The following MAF variants were observed in gnomAD, a reference collection of about 807,000 sequenced individuals.
MAF encodes the protein MAF bZIP transcription factor.
MAF carries 10 observed loss-of-function variants against 22.0 expected under a neutral mutation model. The ratio of observed to expected loss-of-function variants is 0.45; its 90% CI spans 0.28 to 0.77. MAF has a LOEUF of 0.77. Among genes scored for constraint, MAF ranks in the 30% least tolerant of loss-of-function variants. MAF has a pLI of 0.12. For missense variants in MAF, 544 were observed against 548.4 expected (o/e 0.99, Z 0.08); for synonymous variants, 337 against 255.8 (o/e 1.32, Z -3.03).
At chr16:79,584,722 A>C (rs1912736034), downstream of MAF, among the ~76,000 whole-genome samples, 2 of 152,148 alleles carry the variant, frequency 1.3e-5, no homozygotes, top group African/African-American at 4.8e-5. Context: ...ACACAAATTA[A>C]CCCCAAATGT....
the MAF span, among the ~76,000 whole-genome samples, chr16:79,452,694 A>G: frequency 8.5e-5 from 13 of 152,272 alleles, no homozygotes; most frequent in African/African-American, 3.1e-4. Flanking sequence ...CTTTGGAGTC[A>G]GCATGGCCAT....
At chr16:79,218,186 T>TGC in the MAF span, among the ~76,000 whole-genome samples, 1 of 152,038 alleles carries the variant, frequency 6.6e-6, no homozygotes, top group East Asian at 1.9e-4. Context: ...GTTATGTTAT[T>TGC]GCCTTTCAAG....
chr16:79,411,508 C>A, the MAF span, among the ~76,000 whole-genome samples: 1 of 152,164 alleles, frequency 6.6e-6, no homozygotes, highest in Non-Finnish European at 1.5e-5. Context: ...GTTTGCAGGG[C>A]AGAAGATGAG....
At chr16:79,444,456 G>A in the MAF span, among the ~76,000 whole-genome samples, 1 of 152,182 alleles carries the variant, frequency 6.6e-6, no homozygotes, top group South Asian at 2.1e-4. Flanking sequence ...ATATAGCCTT[G>A]GGCAAGTTCT....
the MAF span, among the ~76,000 whole-genome samples, chr16:79,412,492 C>T: frequency 6.6e-6 from 1 of 152,170 alleles, no homozygotes; most frequent in Non-Finnish European, 1.5e-5. Context: ...AATTTATCCA[C>T]CTGGGCACTG....
chr16:79,529,687 G>A, the MAF span, among the ~76,000 whole-genome samples: 14,249 of 152,184 alleles, frequency 0.094, 753 homozygotes, highest in South Asian at 0.15. Flanking sequence ...TAGGCTGGGC[G>A]CGGTGGCTCA....
the MAF span, among the ~76,000 whole-genome samples, chr16:79,244,059 C>T: frequency 7.9e-5 from 12 of 152,094 alleles, no homozygotes; most frequent in African/African-American, 2.2e-4. Flanking sequence ...ATTGATGGAA[C>T]GTATCTCAAA....
chr16:79,250,744 T>C, the MAF span, among the ~76,000 whole-genome samples: 1 of 152,190 alleles, frequency 6.6e-6, no homozygotes, highest in Non-Finnish European at 1.5e-5. Flanking sequence ...ATAAATTCGT[T>C]TGAGAAATCC....
chr16:79,429,535 G>C, the MAF span, among the ~76,000 whole-genome samples: 2 of 152,298 alleles, frequency 1.3e-5, no homozygotes, highest in East Asian at 1.9e-4. Context: ...AAGCAGCAGA[G>C]AGAGGGAGGC....
chr16:79,563,291 C>G, the MAF span, among the ~76,000 whole-genome samples: 223 of 152,338 alleles, frequency 1.5e-3, no homozygotes, highest in Non-Finnish European at 2.8e-3. Context: ...TTACAGAACA[C>G]TGGCAATGTG....
chr16:79,447,865 C>A, the MAF span, among the ~76,000 whole-genome samples: 1 of 110,956 alleles, frequency 9.0e-6, no homozygotes, highest in Non-Finnish European at 1.6e-5. Flanking sequence ...TCACTGTACT[C>A]TACGAGACAG....
the MAF span, among the ~76,000 whole-genome samples, chr16:79,504,906 T>TAC: frequency 6.6e-6 from 1 of 152,160 alleles, no homozygotes; most frequent in Non-Finnish European, 1.5e-5. Flanking sequence ...CACAAACACA[T>TAC]ACACACACAG....
chr16:79,515,205 C>T, the MAF span, among the ~76,000 whole-genome samples: 1 of 152,228 alleles, frequency 6.6e-6, no homozygotes. Flanking sequence ...TTGTCATCCA[C>T]TTAGACTTCA....
the MAF span, among the ~76,000 whole-genome samples, chr16:79,568,616 G>C: frequency 2.6e-5 from 4 of 152,128 alleles, no homozygotes; most frequent in African/African-American, 9.7e-5. Context: ...ATATCATCCG[G>C]TTTCTGAGTC....
At chr16:79,216,797 T>C in the MAF span, among the ~76,000 whole-genome samples, 2 of 151,988 alleles carry the variant, frequency 1.3e-5, no homozygotes, top group African/African-American at 2.4e-5. Context: ...ATAATGATCC[T>C]ACTCTATCTG....
At chr16:79,337,734 C>T in the MAF span, among the ~76,000 whole-genome samples, 1 of 152,166 alleles carries the variant, frequency 6.6e-6, no homozygotes, top group Non-Finnish European at 1.5e-5. Context: ...CACACGTGTG[C>T]ACCTTATCTC....
chr16:79,491,343 A>G, the MAF span, among the ~76,000 whole-genome samples: 4 of 152,330 alleles, frequency 2.6e-5, no homozygotes, highest in Admixed American at 2.0e-4. Flanking sequence ...AGATGTGGAT[A>G]GAACCCTTGG....
the MAF span, among the ~76,000 whole-genome samples, chr16:79,230,270 T>G: frequency 6.6e-6 from 1 of 152,078 alleles, no homozygotes; most frequent in South Asian, 2.1e-4. Flanking sequence ...GTTCTGACCT[T>G]TCACCCGGCT....
chr16:79,265,850 G>A, the MAF span, among the ~76,000 whole-genome samples: 1 of 152,144 alleles, frequency 6.6e-6, no homozygotes, highest in African/African-American at 2.4e-5. Flanking sequence ...ATGAAATAAG[G>A]GTTACTTGAA....
Sources: gnomAD v4.1 joint callset for allele counts (sites outside exome capture counted in the v4.1 genomes callset) on GRCh38, gnomAD v4.1.1 for gene constraint, MANE v1.5 for transcripts, NCBI Gene and HGNC (gene_info 2026-07-23, HGNC 2026-07-21) for gene names.